Variants in SERPINE2 observed in about 807,000 individuals in gnomAD.
SERPINE2 encodes the protein glia-derived nexin.
In SERPINE2, 14 loss-of-function variants were observed where a neutral mutation model predicts 36.3. The ratio of observed to expected loss-of-function variants is 0.39; its 90% CI spans 0.25 to 0.60. SERPINE2 has a LOEUF of 0.60. SERPINE2 is among the 20% of genes least tolerant of loss of function. The pLI, the probability that SERPINE2 is intolerant of heterozygous loss-of-function variation, is 0.57. For missense variants in SERPINE2, 418 were observed against 499.6 expected, an observed-to-expected ratio of 0.84 and a Z score of 1.56; for synonymous variants, 192 against 191.8, an observed-to-expected ratio of 1.00 and a Z score of -0.01.
chr2:224,036,337 G>GAA (rs112604964), intron 1 of SERPINE2, among the ~76,000 whole-genome samples: 10 of 134,238 alleles, frequency 7.4e-5, no homozygotes, highest in South Asian at 2.5e-4. Flanking sequence ...ACCAGGGATG[G>GAA]AAAAAAAAAA....
chr2:224,006,307 G>A, intron 1 of SERPINE2, among the ~76,000 whole-genome samples: 1 of 152,104 alleles, frequency 6.6e-6, no homozygotes, highest in East Asian at 1.9e-4. Flanking sequence ...GTGGGGAGGG[G>A]TACTAGTCTC....
intron 1 of SERPINE2, among the ~76,000 whole-genome samples, chr2:224,005,443 C>A (rs994009144): frequency 2.0e-5 from 3 of 152,018 alleles, no homozygotes; most frequent in African/African-American, 4.8e-5. Flanking sequence ...GTTTCCTAGG[C>A]CAAATGCTCA....
intron 1 of SERPINE2, among the ~76,000 whole-genome samples, chr2:224,016,740 A>C (rs1331201066): frequency 6.6e-6 from 1 of 152,194 alleles, no homozygotes; most frequent in African/African-American, 2.4e-5. Context: ...GTTCTTCAGT[A>C]GGTGAATGGC....
intron 1 of SERPINE2, among the ~76,000 whole-genome samples, chr2:224,003,843 G>A (rs1425335609): frequency 6.6e-6 from 1 of 152,176 alleles, no homozygotes; most frequent in Non-Finnish European, 1.5e-5. Context: ...CGTGTGGGAG[G>A]TTAGGGGTGA....
chr2:224,030,053 G>A (rs773324472), intron 1 of SERPINE2: 17 of 985,282 alleles, frequency 1.7e-5, no homozygotes, highest in Non-Finnish European at 1.9e-5. Flanking sequence ...GAAAAAAGCA[G>A]CCAGCATGAC....
intron 3 of SERPINE2, among the ~76,000 whole-genome samples, chr2:223,995,653 A>C (rs1690855791): frequency 6.6e-6 from 1 of 152,166 alleles, no homozygotes; most frequent in Admixed American, 6.5e-5. Flanking sequence ...CTTTTCATGT[A>C]TGCTGAATTT....
chr2:223,986,428 C>T (rs900025175), intron 4 of SERPINE2, among the ~76,000 whole-genome samples: 11 of 152,080 alleles, frequency 7.2e-5, no homozygotes, highest in African/African-American at 2.4e-4. Context: ...GAGGATTCTT[C>T]GTCTTTACTC....
At chr2:223,980,214 A>G in intron 7 of SERPINE2, 97 bp downstream of exon 7, 1 of 1,012,458 alleles carries the variant, frequency 9.9e-7, no homozygotes, top group Non-Finnish European at 1.6e-6. Context: ...GCCTGGCTGG[A>G]AAGAGGGTGC....
chr2:224,031,573 A>G, intron 1 of SERPINE2: 1 of 879,952 alleles, frequency 1.1e-6, no homozygotes, highest in Non-Finnish European at 1.4e-6. Flanking sequence ...GTGACCTAGC[A>G]TCAGCCAATC....
At chr2:224,037,559 A>C (rs1692575329) in intron 1 of SERPINE2, among the ~76,000 whole-genome samples, 1 of 152,164 alleles carries the variant, frequency 6.6e-6, no homozygotes, top group African/African-American at 2.4e-5. Context: ...GAGGAGGAGA[A>C]ATAGCCCAAG....
chr2:224,021,561 A>C (rs192946659), intron 1 of SERPINE2, among the ~76,000 whole-genome samples: 1 of 152,344 alleles, frequency 6.6e-6, no homozygotes, highest in African/African-American at 2.4e-5. Context: ...ATTTGCCTTT[A>C]CTTAACATGA....
chr2:224,001,646 T>G lies in SERPINE2; in HGVS notation c.255A>C (p.Val85=). Residue 85 remains valine (V), a synonymous_variant, in exon 2 of 9, where the codon GTA becomes GTC. Transcript: ENST00000409304. ...TGAGCAATTGTGCACACGCACCATT[T>G]ACGCCGTATCTCATCACCATGGCGA... ...KQLAMVMRYG[V]NGVGKILKKI... The G allele has an allele frequency of 6.2e-7, 1 of 1,613,334 alleles. No individual in the cohort carries two copies. Among genetic ancestry groups the G allele is most frequent in the Non-Finnish European group, 8.5e-7 (1 of 1,179,784 alleles).
intron 1 of SERPINE2, among the ~76,000 whole-genome samples, chr2:224,027,439 C>T (rs1487816539): frequency 2.6e-5 from 4 of 152,136 alleles, no homozygotes; most frequent in Non-Finnish European, 5.9e-5. Context: ...GGGACTTCCA[C>T]GCAGCCTTCC....
At chr2:223,979,724 G>A (rs982372348) in intron 7 of SERPINE2, 18 of 152,226 alleles carry the variant, frequency 1.2e-4, no homozygotes, top group African/African-American at 2.4e-4. Flanking sequence ...AGATGCTGGC[G>A]AATTCTTCGG....
At chr2:224,030,920 A>T in intron 1 of SERPINE2, 1 of 977,770 alleles carries the variant, frequency 1.0e-6, no homozygotes, top group East Asian at 1.1e-4. Flanking sequence ...GAAAAAAACA[A>T]GTGTCTGAGG....
intron 1 of SERPINE2, among the ~76,000 whole-genome samples, chr2:224,003,080 G>A (rs768048511): frequency 6.6e-6 from 1 of 152,152 alleles, no homozygotes. Flanking sequence ...GGTGATCAGG[G>A]AGCCATCTCT....
chr2:223,998,950 T>C (rs1357674838), intron 2 of SERPINE2, among the ~76,000 whole-genome samples: 1 of 152,166 alleles, frequency 6.6e-6, no homozygotes, highest in Admixed American at 6.5e-5. Flanking sequence ...GGGCACCAGG[T>C]CAGTATGAAT....
At chr2:223,980,132 G>A (rs972595778) in intron 7 of SERPINE2, 179 bp downstream of exon 7, 1 of 530,336 alleles carries the variant, frequency 1.9e-6, no homozygotes, top group Non-Finnish European at 3.4e-6. Context: ...AACAGATTCT[G>A]AGCTTTGTGG....
chr2:224,028,697 C>T (rs1402135400), intron 1 of SERPINE2, among the ~76,000 whole-genome samples: 2 of 152,158 alleles, frequency 1.3e-5, no homozygotes, highest in Admixed American at 6.5e-5. Flanking sequence ...TCAACAGGAT[C>T]GTGTATAAAA....
Sources: allele counts gnomAD v4.1 joint callset (sites outside exome capture counted in the v4.1 genomes callset), GRCh38; gene constraint gnomAD v4.1.1; transcripts MANE v1.5; gene names NCBI Gene and HGNC (gene_info 2026-07-23, HGNC 2026-07-21).